The following RBFOX1 variants were observed in gnomAD, a reference collection of about 807,000 sequenced individuals.
RBFOX1 encodes the protein RNA binding fox-1 homolog 1, also known as RNA binding protein fox-1 homolog 1.
A neutral mutation model predicts 57.7 loss-of-function variants in RBFOX1; 8 were observed. That is an observed-to-expected ratio of 0.14 (90% CI 0.08 to 0.25). The LOEUF (loss-of-function observed/expected upper bound fraction) is 0.25. Ranked by LOEUF, RBFOX1 falls within the 10% of genes least tolerant of loss-of-function variation. The pLI, the probability that RBFOX1 is intolerant of heterozygous loss-of-function variation, is 1.00. For missense variants in RBFOX1, 611 were observed against 548.5 expected, an observed-to-expected ratio of 1.11 and a Z score of -1.14; for synonymous variants, 326 against 222.4, an observed-to-expected ratio of 1.47 and a Z score of -4.15.
intron 14 of RBFOX1, among the ~76,000 whole-genome samples, chr16:7,697,952 C>T (rs2079313655): frequency 6.6e-6 from 1 of 152,126 alleles, no homozygotes. Context: ...ATGTTTAGTT[C>T]CGTGTGCTGG....
At chr16:7,652,337 C>T (rs1269276591) in intron 11 of RBFOX1, among the ~76,000 whole-genome samples, 1 of 152,138 alleles carries the variant, frequency 6.6e-6, no homozygotes, top group African/African-American at 2.4e-5. Flanking sequence ...AGGCTTAATT[C>T]CCCTTCCTAA....
intron 4 of RBFOX1, among the ~76,000 whole-genome samples, chr16:5,967,905 C>T (rs561814976): frequency 7.2e-5 from 11 of 152,174 alleles, no homozygotes; most frequent in Admixed American, 6.5e-4. Flanking sequence ...ATGTGGTATC[C>T]CTACCATTCC....
chr16:6,666,451 A>G (rs1331845789), intron 3 of RBFOX1, among the ~76,000 whole-genome samples: 2 of 151,654 alleles, frequency 1.3e-5, no homozygotes, highest in African/African-American at 4.8e-5. Flanking sequence ...GAGTTAGGAG[A>G]ATCACTTGAA....
chr16:5,360,407 T>C (rs113428595), intron 1 of RBFOX1, among the ~76,000 whole-genome samples: 83 of 152,356 alleles, frequency 5.4e-4, no homozygotes, highest in African/African-American at 1.9e-3. Flanking sequence ...CGTGGTTTCC[T>C]GTGGGAGAAA....
intron 3 of RBFOX1, among the ~76,000 whole-genome samples, chr16:6,854,213 C>A (rs1351515206): frequency 6.6e-6 from 1 of 152,150 alleles, no homozygotes; most frequent in African/African-American, 2.4e-5. Context: ...TTGCATTCAT[C>A]TTCACTGAGT....
rs190122769 is a variant in RBFOX1, at chr16:6,986,313, C to G, written c.-15-65744C>G. ...CCTCCCGGGTTCAAGCGACTCTTGC[C>G]TCAGCCTCCCGAGTAGCTGGGATTG... is the stretch of plus-strand genomic sequence containing the variant. On this transcript the variant is annotated intron_variant, in intron 3 of 15. Transcript: ENST00000550418. 1.9e-3 allele frequency among the ~76,000 whole-genome samples: 292 copies of G among 152,188 alleles called. 1 individual carries two copies. Among genetic ancestry groups the G allele is most frequent in the Non-Finnish European group, 3.3e-3 (222 of 68,014 alleles).
intron 4 of RBFOX1, chr16:5,867,453 G>A: frequency 1.4e-6 from 1 of 725,224 alleles, no homozygotes; most frequent in Non-Finnish European, 1.9e-6. Flanking sequence ...CTGGTGGCTT[G>A]GATGGTGTGT....
chr16:7,175,312 G>A (rs537766785), intron 4 of RBFOX1, among the ~76,000 whole-genome samples: 1 of 152,222 alleles, frequency 6.6e-6, no homozygotes, highest in South Asian at 2.1e-4. Flanking sequence ...ATCTTTCAAT[G>A]AAATAACCTT....
chr16:7,119,627 G>C (rs2066670844), intron 4 of RBFOX1, among the ~76,000 whole-genome samples: 1 of 151,162 alleles, frequency 6.6e-6, no homozygotes, highest in Non-Finnish European at 1.5e-5. Flanking sequence ...CATTATATAA[G>C]GATAAGAGGG....
At chr16:5,854,310 G>C (rs1295578220) in intron 3 of RBFOX1, among the ~76,000 whole-genome samples, 1 of 152,168 alleles carries the variant, frequency 6.6e-6, no homozygotes, top group African/African-American at 2.4e-5. Flanking sequence ...CTGAAACTTT[G>C]TGTGTTTTGA....
intron 4 of RBFOX1, among the ~76,000 whole-genome samples, chr16:7,345,389 C>G (rs778265236): frequency 6.6e-6 from 1 of 152,162 alleles, no homozygotes; most frequent in Admixed American, 6.5e-5. Context: ...CTTAATAAGG[C>G]TGTTCGGGCA....
intron 4 of RBFOX1, among the ~76,000 whole-genome samples, chr16:7,403,043 G>A (rs934454915): frequency 3.3e-5 from 5 of 152,146 alleles, no homozygotes; most frequent in Admixed American, 2.6e-4. Flanking sequence ...ATAAAATGAG[G>A]CTTGATTTCT....
chr16:6,811,775 A>G (rs2088667827), intron 3 of RBFOX1, among the ~76,000 whole-genome samples: 1 of 152,090 alleles, frequency 6.6e-6, no homozygotes, highest in Non-Finnish European at 1.5e-5. Context: ...TGTAATCCCA[A>G]CTACTGGGGA....
At chr16:5,810,646 C>A (rs1184002595) in intron 3 of RBFOX1, among the ~76,000 whole-genome samples, 1 of 152,176 alleles carries the variant, frequency 6.6e-6, no homozygotes, top group East Asian at 1.9e-4. Flanking sequence ...AACAGCTGTA[C>A]CACTTCCCCA....
At chr16:6,929,241 G>C (rs1183713080) in intron 3 of RBFOX1, among the ~76,000 whole-genome samples, 1 of 152,152 alleles carries the variant, frequency 6.6e-6, no homozygotes, top group Non-Finnish European at 1.5e-5. Context: ...CTTTATGACA[G>C]AGAAGAAGAA....
intron 4 of RBFOX1, among the ~76,000 whole-genome samples, chr16:5,940,255 C>T (rs754205085): frequency 1.3e-5 from 2 of 152,186 alleles, no homozygotes; most frequent in Non-Finnish European, 2.9e-5. Context: ...CTTTCTACTT[C>T]TGAGTCGCAT....
At chr16:5,395,099 G>C (rs1231427077) in intron 1 of RBFOX1, among the ~76,000 whole-genome samples, 1 of 152,168 alleles carries the variant, frequency 6.6e-6, no homozygotes, top group Non-Finnish European at 1.5e-5. Flanking sequence ...TGCCAAGCAT[G>C]GTTCGTTTTC....
At chr16:5,570,563 G>C (rs762236780) in intron 2 of RBFOX1, among the ~76,000 whole-genome samples, 2 of 152,172 alleles carry the variant, frequency 1.3e-5, no homozygotes, top group African/African-American at 2.4e-5. Context: ...TTTCGGGTTG[G>C]ATGTGGTGGT....
intron 3 of RBFOX1, among the ~76,000 whole-genome samples, chr16:5,790,183 G>C (rs1346691197): frequency 1.1e-4 from 16 of 152,212 alleles, no homozygotes; most frequent in Non-Finnish European, 2.4e-4. Context: ...ACCTGAAAGT[G>C]ACAAATAGCC....
Sources: allele counts gnomAD v4.1 joint callset (sites outside exome capture counted in the v4.1 genomes callset), GRCh38; gene constraint gnomAD v4.1.1; transcripts MANE v1.5; gene names NCBI Gene and HGNC (gene_info 2026-07-23, HGNC 2026-07-21).